The following SNX29 variants were observed in gnomAD, a reference collection of about 807,000 sequenced individuals.
The protein encoded by SNX29 is sorting nexin-29.
Under a neutral mutation model 102.1 loss-of-function variants are expected in SNX29, and 78 were observed. The ratio of observed to expected loss-of-function variants is 0.76; its 90% CI spans 0.64 to 0.92. The LOEUF (loss-of-function observed/expected upper bound fraction) is 0.92, where lower values mean the gene tolerates loss of function less well. Ranked by LOEUF, SNX29 falls within the 40% of genes least tolerant of loss-of-function variation. The pLI is 0.00. For synonymous variants in SNX29, 580 were observed against 414.5 expected, an observed-to-expected ratio of 1.40 and a Z score of -4.85; for missense variants, 1,280 against 1,061.7, an observed-to-expected ratio of 1.21 and a Z score of -2.86.
At chr16:12,210,432 A>C (rs777185993) in intron 14 of SNX29, among the ~76,000 whole-genome samples, 1 of 148,432 alleles carries the variant, frequency 6.7e-6, no homozygotes. Context: ...GGCTCAAGCA[A>C]TCCCTCCTGC....
At chr16:12,426,643 T>C (rs1237105208) in intron 18 of SNX29, among the ~76,000 whole-genome samples, 1 of 152,250 alleles carries the variant, frequency 6.6e-6, no homozygotes, top group Non-Finnish European at 1.5e-5. Flanking sequence ...TTTTATGGTA[T>C]GTGAATTGTA....
At chr16:12,208,229 C>A (rs1253900590) in intron 14 of SNX29, among the ~76,000 whole-genome samples, 1 of 152,202 alleles carries the variant, frequency 6.6e-6, no homozygotes, top group African/African-American at 2.4e-5. Flanking sequence ...CGGAAGTGTT[C>A]TCTCTGGCCG....
intron 11 of SNX29, among the ~76,000 whole-genome samples, chr16:12,123,263 A>T (rs1006843582): frequency 1.3e-5 from 2 of 152,078 alleles, no homozygotes; most frequent in South Asian, 2.1e-4. Context: ...CCGAGTGAAC[A>T]TTTTTTTGTG....
intron 15 of SNX29, among the ~76,000 whole-genome samples, chr16:12,344,733 C>A (rs77558357): frequency 6.6e-6 from 1 of 152,186 alleles, no homozygotes; most frequent in South Asian, 2.1e-4. Context: ...CCTCTTTCTC[C>A]TCCTGGGCTG....
At chr16:12,567,593 C>T (rs974548796) in intron 20 of SNX29, among the ~76,000 whole-genome samples, 3 of 152,076 alleles carry the variant, frequency 2.0e-5, no homozygotes, top group East Asian at 3.9e-4. Context: ...AAGAGCAAGA[C>T]CCCATCTCTA....
chr16:12,113,227 A>T (rs2053566679), intron 11 of SNX29, among the ~76,000 whole-genome samples: 1 of 152,066 alleles, frequency 6.6e-6, no homozygotes, highest in Admixed American at 6.6e-5. Context: ...TCCCCATTGA[A>T]TCACCTCCAT....
intron 16 of SNX29, among the ~76,000 whole-genome samples, chr16:12,356,627 A>G (rs145123746): frequency 1.3e-5 from 2 of 152,156 alleles, no homozygotes; most frequent in Non-Finnish European, 2.9e-5. Context: ...TTTTACCTAC[A>G]TGGTATTACT....
chr16:12,426,091 T>C (rs2085067383), intron 18 of SNX29, among the ~76,000 whole-genome samples: 1 of 152,058 alleles, frequency 6.6e-6, no homozygotes. Context: ...CTTATTTTTT[T>C]TTTTTAAAAA....
intron 13 of SNX29, among the ~76,000 whole-genome samples, chr16:12,140,169 CA>C (rs2054820432): frequency 6.6e-6 from 1 of 152,110 alleles, no homozygotes; most frequent in African/African-American, 2.4e-5. Context: ...TCACGCATAT[CA>C]TGCAGTCCCC....
chr16:12,094,914 A>G (rs2052706683), intron 11 of SNX29, among the ~76,000 whole-genome samples: 1 of 152,114 alleles, frequency 6.6e-6, no homozygotes, highest in Non-Finnish European at 1.5e-5. Flanking sequence ...GAAACTTAGG[A>G]AAAAATGAGC....
At chr16:12,039,581 C>T (rs1161744476) in intron 4 of SNX29, among the ~76,000 whole-genome samples, 1 of 152,012 alleles carries the variant, frequency 6.6e-6, no homozygotes, top group East Asian at 1.9e-4. Context: ...GTACTTGCCT[C>T]CTTCTGGAAG....
In SNX29 at chr16:12,356,156, G is replaced by A. The variant is rs1023347479; in HGVS notation, c.1783-7G>A. ...CTAAGCCTCACCTTTCCGTGCTTGT[G>A]TTCCAGGTGGCAGAGATGCATGGCG... On this transcript the variant is annotated splice_region_variant and splice_polypyrimidine_tract_variant and intron_variant, in intron 15 of 20. Coordinates refer to ENST00000566228, the MANE Select transcript of SNX29 (RefSeq NM_032167.5). 6.2e-7 allele frequency: 1 copy of A among 1,610,842 alleles called. No homozygotes were observed. Among genetic ancestry groups the A allele is most frequent in the Admixed American group, 1.7e-5 (1 of 59,796 alleles).
rs1596534408 is a variant in SNX29, at chr16:11,988,477, A to G, written c.8-10820A>G. Among the ~76,000 whole-genome samples the G allele has an allele frequency of 2.0e-5, 3 of 152,256 alleles. No individual in the cohort carries two copies. The East Asian group carries it at 5.8e-4, about 29-fold the overall frequency. ...CAATGGTGTCATCAGTGCTCACTGC[A>G]GCCTTGACCTATAGGCTCAAGTGAT... On this transcript the variant is annotated intron_variant, in intron 1 of 20. Transcript: ENST00000566228.
intron 20 of SNX29, chr16:12,527,256 G>T (rs1406600632): frequency 1.9e-6 from 1 of 532,882 alleles, no homozygotes; most frequent in African/African-American, 1.9e-5. Flanking sequence ...CCGTGCTGAC[G>T]AATCTCCATG....
At chr16:12,476,423 T>TATATATATATATAC (rs1597522539) in intron 18 of SNX29, among the ~76,000 whole-genome samples, 3 of 74,014 alleles carry the variant, frequency 4.1e-5, no homozygotes, top group Admixed American at 1.9e-4. Flanking sequence ...CATATATATA[T>TATATATATATATAC]ATATATATAT....
At chr16:12,101,725 T>C (rs2053030765) in intron 11 of SNX29, among the ~76,000 whole-genome samples, 1 of 152,154 alleles carries the variant, frequency 6.6e-6, no homozygotes, top group South Asian at 2.1e-4. Flanking sequence ...AGCTGTAGTT[T>C]TAGTCATAGC....
At chr16:12,230,854 A>G (rs560612502) in intron 14 of SNX29, among the ~76,000 whole-genome samples, 8 of 152,168 alleles carry the variant, frequency 5.3e-5, no homozygotes, top group African/African-American at 1.9e-4. Context: ...GTATATATGT[A>G]TGTACTTACT....
At chr16:12,065,358 G>C (rs1177088271) in intron 9 of SNX29, among the ~76,000 whole-genome samples, 2 of 152,164 alleles carry the variant, frequency 1.3e-5, no homozygotes, top group Admixed American at 6.5e-5. Context: ...TTTTGAGTGG[G>C]AATAGTAAAC....
Position 12,181,183 on chromosome 16 carries a change from G to A in SNX29, c.1596-18418G>A, listed in dbSNP as rs188348968. Among the ~76,000 whole-genome samples the A allele has an allele frequency of 4.5e-3, 681 of 152,262 alleles. 4 individuals are homozygous for A. The highest frequency in any genetic ancestry group is 0.01 in the Middle Eastern group (3 of 294). On this transcript the variant is annotated intron_variant, in intron 13 of 20. Coordinates refer to ENST00000566228, the MANE Select transcript of SNX29 (RefSeq NM_032167.5). ...GGCCCACCACGCTTTTATGAACCCC[G>A]AATATCTGAGACAGGCCTCAGTTAA... is the stretch of plus-strand genomic sequence containing the variant.
Sources: allele counts gnomAD v4.1 joint callset (sites outside exome capture counted in the v4.1 genomes callset), GRCh38; gene constraint gnomAD v4.1.1; transcripts MANE v1.5; gene names NCBI Gene and HGNC (gene_info 2026-07-23, HGNC 2026-07-21).